MICU3: variants seen among roughly 807,000 people sequenced by gnomAD.
MICU3 encodes the protein mitochondrial calcium uptake 3, also known as calcium uptake protein 3, mitochondrial.
In MICU3, 62 loss-of-function variants were observed where a neutral mutation model predicts 66.5. The observed-to-expected ratio is 0.93, with a 90% CI of 0.76 to 1.15. The LOEUF is 1.15. MICU3 is among the 50% of genes most tolerant of loss of function. The pLI is 0.00. For missense variants in MICU3, 779 were observed against 664.4 expected (o/e 1.17, Z -1.90); for synonymous variants, 308 against 240.7 (o/e 1.28, Z -2.59).
At chr8:17,088,714 T>C (rs1026364592) in intron 7 of MICU3, among the ~76,000 whole-genome samples, 1 of 151,916 alleles carries the variant, frequency 6.6e-6, no homozygotes, top group Admixed American at 6.6e-5. Context: ...GTCATTAACA[T>C]TTATTAATAC....
chr8:17,133,016 G>C, the MICU3 span: 1 of 152,222 alleles, frequency 6.6e-6, no homozygotes. Flanking sequence ...CAGAAAGCAA[G>C]CCCTCGCCAG....
At chr8:17,104,680 A>C (rs889492436) in intron 10 of MICU3, among the ~76,000 whole-genome samples, 189 bp downstream of exon 10, 2 of 151,968 alleles carry the variant, frequency 1.3e-5, no homozygotes, top group African/African-American at 4.8e-5. Flanking sequence ...TTATAACAGG[A>C]AGTTACTGAA....
rs1290632302 is a variant in MICU3, at chr8:17,116,483, A to G, written c.1407A>G (p.Lys469=). The G allele has an allele frequency of 4.5e-6, 7 of 1,544,814 alleles. No individual in the cohort carries two copies. The highest frequency in any genetic ancestry group is 6.1e-6 in the Non-Finnish European group (7 of 1,152,940). The stretch of plus-strand genomic sequence containing the variant: ...CCGTCTATGTAGCTACTGGACTCAA[A>G]TTTTCACCACATTTAGTGAACACTG... The part of the protein sequence containing the change: ...KRAVYVATGL[K]FSPHLVNTVF... Residue 469 remains lysine (K), a synonymous_variant, in exon 13 of 15, where the codon AAA becomes AAG. Transcript: ENST00000318063.
the MICU3 span, among the ~76,000 whole-genome samples, chr8:17,137,705 CTTTTTTTTTTTT>C: frequency 3.9e-5 from 4 of 102,884 alleles, no homozygotes; most frequent in Admixed American, 1.1e-4. Flanking sequence ...TTTTCTTTTC[CTTTTTTTTTTTT>C]TTTTTTTTTT....
At chr8:17,045,652 C>G (rs998034916) in intron 1 of MICU3, among the ~76,000 whole-genome samples, 13 of 152,204 alleles carry the variant, frequency 8.5e-5, no homozygotes, top group Non-Finnish European at 1.0e-4. Context: ...TCCCCATACT[C>G]TATCCTACAC....
At chr8:17,054,920 G>A (rs1816683716) in intron 1 of MICU3, among the ~76,000 whole-genome samples, 1 of 151,728 alleles carries the variant, frequency 6.6e-6, no homozygotes, top group Non-Finnish European at 1.5e-5. Flanking sequence ...TGTATTTTTA[G>A]TAGAGATGGG....
chr8:17,127,831 A>G, the MICU3 span, among the ~76,000 whole-genome samples: 1 of 152,062 alleles, frequency 6.6e-6, no homozygotes, highest in Non-Finnish European at 1.5e-5. Context: ...ACACTGAACC[A>G]TTTCTAGTGT....
chr8:17,046,085 A>C (rs970763459), intron 1 of MICU3, among the ~76,000 whole-genome samples: 1 of 152,212 alleles, frequency 6.6e-6, no homozygotes. Context: ...CCTGAGTTCT[A>C]TGAGCTGCTG....
intron 3 of MICU3, among the ~76,000 whole-genome samples, chr8:17,074,991 A>C (rs1162134701): frequency 6.6e-6 from 1 of 152,092 alleles, no homozygotes; most frequent in African/African-American, 2.4e-5. Flanking sequence ...ACTGTCTACA[A>C]GTCTAGGAGG....
At chr8:17,100,260 A>G (rs1801142943) in intron 9 of MICU3, among the ~76,000 whole-genome samples, 1 of 151,566 alleles carries the variant, frequency 6.6e-6, no homozygotes, top group Admixed American at 6.6e-5. Context: ...ATTGGCTGTA[A>G]TTAATCCACA....
intron 1 of MICU3, among the ~76,000 whole-genome samples, chr8:17,053,030 C>A (rs1197502373): frequency 6.6e-6 from 1 of 152,064 alleles, no homozygotes; most frequent in Non-Finnish European, 1.5e-5. Flanking sequence ...GAAATTAATA[C>A]ATTTTAAAAT....
At chr8:17,093,765 A>G (rs1187774405) in intron 8 of MICU3, among the ~76,000 whole-genome samples, 2 of 151,950 alleles carry the variant, frequency 1.3e-5, no homozygotes, top group Non-Finnish European at 2.9e-5. Context: ...TCTTTTAGTT[A>G]TCAGAATGAA....
intron 1 of MICU3, among the ~76,000 whole-genome samples, chr8:17,045,255 ACT>A (rs949209194): frequency 6.6e-6 from 1 of 151,664 alleles, no homozygotes; most frequent in Non-Finnish European, 1.5e-5. Flanking sequence ...TGATAAACAG[ACT>A]CTCTCTCTCT....
At position 17,116,459 on chromosome 8, in the gene MICU3, C is replaced by T. The variant is rs533583975; in HGVS notation, c.1383C>T (p.Ala461=). 3.7e-5 allele frequency: 54 copies of T among 1,477,162 alleles called. No homozygotes were observed. Among genetic ancestry groups the T allele is most frequent in the African/African-American group, 5.8e-5 (4 of 68,872 alleles). 91.5% of individuals were successfully genotyped at this position (1,477,162 alleles called of 1,614,324 possible). A position where few individuals can be genotyped will look rare whatever the true frequency, so the allele number is the denominator to read the frequency against. Residue 461 remains alanine (A), a synonymous_variant, in exon 13 of 15, where the codon GCC becomes GCT. Coordinates refer to ENST00000318063, the MANE Select transcript of MICU3 (RefSeq NM_181723.3). The part of the protein sequence containing the change: ...RSIGQDEFKR[A]VYVATGLKFS... ...TTTATCTAGATGAATTTAAACGTGC[C>T]GTCTATGTAGCTACTGGACTCAAAT... is the stretch of plus-strand genomic sequence containing the variant.
At chr8:17,119,282 A>G (rs961996735) in intron 14 of MICU3, among the ~76,000 whole-genome samples, 2 of 152,178 alleles carry the variant, frequency 1.3e-5, no homozygotes, top group African/African-American at 2.4e-5. Context: ...CCTATTTATT[A>G]TAACTTATTA....
chr8:17,049,555 AAAGTT>A (rs1815693460), intron 1 of MICU3: 11 of 515,062 alleles, frequency 2.1e-5, no homozygotes, highest in South Asian at 1.3e-4. Flanking sequence ...AAGTTTGCAG[AAAGTT>A]AAGTTATTTT....
intron 1 of MICU3, among the ~76,000 whole-genome samples, chr8:17,039,585 A>G (rs1813675361): frequency 1.3e-5 from 2 of 152,148 alleles, no homozygotes; most frequent in Non-Finnish European, 2.9e-5. Context: ...TGACTTCTTA[A>G]TTGATTCTCA....
intron 11 of MICU3, among the ~76,000 whole-genome samples, chr8:17,106,190 C>G (rs1416443332): frequency 6.6e-6 from 1 of 151,918 alleles, no homozygotes; most frequent in African/African-American, 2.4e-5. Flanking sequence ...GTTACAAGCA[C>G]CTCTTCAAGA....
chr8:17,136,984 G>A, the MICU3 span, among the ~76,000 whole-genome samples: 28 of 151,786 alleles, frequency 1.8e-4, no homozygotes, highest in Non-Finnish European at 1.9e-4. Context: ...ACAGGTGCAC[G>A]CCACCACGCC....
Sources: gnomAD v4.1 joint callset for allele counts (sites outside exome capture counted in the v4.1 genomes callset) on GRCh38, gnomAD v4.1.1 for gene constraint, MANE v1.5 for transcripts, NCBI Gene and HGNC (gene_info 2026-07-23, HGNC 2026-07-21) for gene names.